The following BCAS3 variants were observed in gnomAD, a reference collection of about 807,000 sequenced individuals.
BCAS3 encodes the protein BCAS4/BCAS3 fusion.
BCAS3 carries 53 observed loss-of-function variants against 116.1 expected under a neutral mutation model. The ratio of observed to expected loss-of-function variants is 0.46; its 90% CI spans 0.37 to 0.57. BCAS3 has a LOEUF of 0.57. Among genes scored for constraint, BCAS3 ranks in the 20% least tolerant of loss-of-function variants. BCAS3 has a pLI of 0.00. For synonymous variants in BCAS3, 391 were observed against 408.2 expected (o/e 0.96, Z 0.51); for missense variants, 917 against 1,165.4 (o/e 0.79, Z 3.10).
At chr17:60,856,696 A>AT (rs1354454373) in intron 7 of BCAS3, among the ~76,000 whole-genome samples, 4 of 152,118 alleles carry the variant, frequency 2.6e-5, no homozygotes, top group Non-Finnish European at 5.9e-5. Context: ...CTCCAAAAAA[A>AT]TAAAAAAAAA....
intron 6 of BCAS3, among the ~76,000 whole-genome samples, chr17:60,792,250 G>C (rs2046837882): frequency 6.6e-6 from 1 of 152,260 alleles, no homozygotes; most frequent in African/African-American, 2.4e-5. Flanking sequence ...GCCGGTGGAA[G>C]CCAGGAACAG....
intron 6 of BCAS3, among the ~76,000 whole-genome samples, chr17:60,776,907 C>T (rs2045346790): frequency 1.3e-5 from 2 of 150,588 alleles, no homozygotes; most frequent in African/African-American, 2.4e-5. Flanking sequence ...CCTAGCTACT[C>T]GGGAGGCTTA....
chr17:60,728,245 A>G (rs75313044), intron 5 of BCAS3, among the ~76,000 whole-genome samples: 4,831 of 152,156 alleles, frequency 0.032, 246 homozygotes, highest in African/African-American at 0.11. Context: ...TCCATCCCTG[A>G]TAAGCCCTGG....
intron 10 of BCAS3, among the ~76,000 whole-genome samples, chr17:60,896,027 T>C (rs2057485402): frequency 6.6e-6 from 1 of 152,178 alleles, no homozygotes; most frequent in South Asian, 2.1e-4. Context: ...GTCCATTGGG[T>C]CTAAAGTCCA....
At position 60,966,715 on chromosome 17, in the gene BCAS3, C is replaced by T. The variant is rs180769229; in HGVS notation, c.1221+19363C>T. 4.7e-5 allele frequency among the ~76,000 whole-genome samples: 7 copies of T among 147,588 alleles called. No individual in the cohort carries two copies. In the East Asian group the frequency reaches 7.9e-4, roughly 17 times the overall value. ...AGTCTTACTCTGTTACCCAGTGGCA[C>T]GTTCTTGGCTCATTGCAACCTCCGT... On this transcript the variant is annotated intron_variant, in intron 14 of 23. Transcript: ENST00000407086.
intron 22 of BCAS3, among the ~76,000 whole-genome samples, chr17:61,172,987 CAAAT>C (rs56769937): frequency 2.1e-4 from 31 of 149,610 alleles, no homozygotes; most frequent in African/African-American, 7.4e-5. Flanking sequence ...GATTCCATCT[CAAAT>C]AAATAAATAA....
Position 61,373,642 on chromosome 17 carries a change from T to G in BCAS3, c.2593+5148T>G, listed in dbSNP as rs2059166581. On this transcript the variant is annotated intron_variant, in intron 23 of 23. Transcript: ENST00000407086. ...TTTGTATTTTTAGTAGAGACGAGGT[T>G]TCACCATGTTGGCCAGGCTGGTCTC... is the stretch of plus-strand genomic sequence containing the variant. 2.1e-5 allele frequency among the ~76,000 whole-genome samples: 3 copies of G among 145,188 alleles called. No individual in the cohort carries two copies. In the South Asian group the frequency reaches 6.6e-4, roughly 32 times the overall value.
intron 16 of BCAS3, among the ~76,000 whole-genome samples, chr17:61,024,504 A>T (rs1274894596): frequency 1.3e-5 from 2 of 152,158 alleles, no homozygotes; most frequent in African/African-American, 4.8e-5. Flanking sequence ...TTCAAACTTA[A>T]CAATGATGTT....
In BCAS3 at chr17:61,315,856, C is replaced by G. The variant is rs2054689707; in HGVS notation, c.2426-52471C>G. Among the ~76,000 whole-genome samples, 1 of 152,162 alleles carries G rather than the reference C, an allele frequency of 6.6e-6. No homozygotes were observed. Among genetic ancestry groups the G allele is most frequent in the Non-Finnish European group, 1.5e-5 (1 of 68,044 alleles). The stretch of plus-strand genomic sequence containing the variant: ...TAGCACACCTCTGCACAGCTTTCCT[C>G]TTTACTCCTAGCCAGGCTCAGAGGG... On this transcript the variant is annotated intron_variant, in intron 22 of 23. Transcript: ENST00000407086. The surrounding 1 kb of genome is among the most constrained non-coding windows in gnomAD (Gnocchi z 5.3).
chr17:61,206,740 G>A (rs2081151966), intron 22 of BCAS3, among the ~76,000 whole-genome samples: 1 of 138,820 alleles, frequency 7.2e-6, no homozygotes, highest in Non-Finnish European at 1.5e-5. Context: ...GGCAGAGGTT[G>A]ACGTGAGCCA....
chr17:61,102,637 A>T (rs2074398223), intron 22 of BCAS3, among the ~76,000 whole-genome samples: 1 of 152,084 alleles, frequency 6.6e-6, no homozygotes, highest in East Asian at 1.9e-4. Context: ...TTTTGAATAG[A>T]CGTGTGTAAT....
At position 61,259,057 on chromosome 17, in the gene BCAS3, C is replaced by T. The variant is rs1329568478; in HGVS notation, c.2426-109270C>T. On this transcript the variant is annotated intron_variant, in intron 22 of 23. Coordinates refer to ENST00000407086, the MANE Select transcript of BCAS3 (RefSeq NM_017679.5). The surrounding 1 kb of genome is among the most constrained non-coding windows in gnomAD (Gnocchi z 4.7). ...ATCTTGCTTAAATGCCAGAAGTAAA[C>T]TTGTTATTCTCTATTGGATGCTAAA... 6.6e-6 allele frequency among the ~76,000 whole-genome samples: 1 copy of T among 152,166 alleles called. No homozygotes were observed. The highest frequency in any genetic ancestry group is 2.4e-5 in the African/African-American group (1 of 41,444).
chr17:60,813,327 G>A (rs1046570373), intron 7 of BCAS3, among the ~76,000 whole-genome samples: 1 of 151,380 alleles, frequency 6.6e-6, no homozygotes, highest in Non-Finnish European at 1.5e-5. Context: ...GTTATGTTAG[G>A]AGCAATTAAG....
rs182958459 is a variant in BCAS3, at chr17:60,790,344, G to T, written c.404-17660G>T. On this transcript the variant is annotated intron_variant, in intron 6 of 23. Transcript: ENST00000407086. ...ATATCAAATTGATATGCATAATACA[G>T]GTACAAACTGTAAAGACCTTGGAAA... Among the ~76,000 whole-genome samples the T allele has an allele frequency of 3.2e-4, 49 of 152,190 alleles. No individual in the cohort carries two copies. The East Asian group carries it at 5.2e-3, about 16-fold the overall frequency.
At chr17:61,318,547 A>G (rs1240548374) in intron 22 of BCAS3, among the ~76,000 whole-genome samples, 3 of 152,186 alleles carry the variant, frequency 2.0e-5, no homozygotes, top group Admixed American at 6.5e-5. Flanking sequence ...GGCATTAACA[A>G]GGGACACACC....
rs2076263578 is a variant in BCAS3, at chr17:61,130,334, C to G, written c.2425+45770C>G. Reference sequence around the variant, plus strand: ...TCTTCCCAATTAATTATGAGAAATTCATCTGTACAATTTTCTTATTAATTC... The same window carrying G: ...TCTTCCCAATTAATTATGAGAAATTGATCTGTACAATTTTCTTATTAATTC... On this transcript the variant is annotated intron_variant, in intron 22 of 23. Coordinates refer to ENST00000407086, the MANE Select transcript of BCAS3 (RefSeq NM_017679.5). The surrounding 1 kb of genome is among the most constrained non-coding windows in gnomAD (Gnocchi z 5.0). Among the ~76,000 whole-genome samples the G allele has an allele frequency of 6.6e-6, 1 of 152,092 alleles. No homozygotes were observed. The highest frequency in any genetic ancestry group is 2.1e-4 in the South Asian group (1 of 4,834).
chr17:61,288,844 C>G (rs1350809438), intron 22 of BCAS3, among the ~76,000 whole-genome samples: 1 of 152,228 alleles, frequency 6.6e-6, no homozygotes. Context: ...AGGATGGTGG[C>G]TGGTGTTTTC....
At chr17:60,706,330 C>G (rs1348815744) in intron 4 of BCAS3, among the ~76,000 whole-genome samples, 1 of 152,108 alleles carries the variant, frequency 6.6e-6, no homozygotes, top group East Asian at 1.9e-4. Flanking sequence ...TCCTAAAGTG[C>G]TGGGATTACA....
Position 61,352,943 on chromosome 17 carries a change from C to T in BCAS3, c.2426-15384C>T, listed in dbSNP as rs2057936356. Among the ~76,000 whole-genome samples the T allele has an allele frequency of 6.6e-6, 1 of 152,302 alleles. No homozygotes were observed. The highest frequency in any genetic ancestry group is 2.1e-4 in the South Asian group (1 of 4,824). The stretch of plus-strand genomic sequence containing the variant: ...TTTAATGGAGTGTTAACCCCCGTCG[C>T]TGGAACTCATGTTAATGCCTAACAC... On this transcript the variant is annotated intron_variant, in intron 22 of 23. Coordinates refer to ENST00000407086, the MANE Select transcript of BCAS3 (RefSeq NM_017679.5). The surrounding 1 kb of genome is among the most constrained non-coding windows in gnomAD (Gnocchi z 4.7).
Sources: allele counts gnomAD v4.1 joint callset (sites outside exome capture counted in the v4.1 genomes callset), GRCh38; gene constraint gnomAD v4.1.1; non-coding constraint Gnocchi (gnomAD v3.1); transcripts MANE v1.5; gene names NCBI Gene and HGNC (gene_info 2026-07-23, HGNC 2026-07-21).